Variants in SEMA6D observed in about 807,000 individuals in gnomAD.
SEMA6D encodes semaphorin 6D.
Under a neutral mutation model 106.6 loss-of-function variants are expected in SEMA6D, and 35 were observed. The ratio of observed to expected loss-of-function variants is 0.33; its 90% CI spans 0.25 to 0.44. SEMA6D has a LOEUF of 0.44. SEMA6D is among the 20% of genes least tolerant of loss of function. The probability of loss-of-function intolerance (pLI) is 1.00; values close to 1 mark genes in which losing one functional copy is unlikely to be tolerated. For synonymous variants in SEMA6D, 499 were observed against 487.7 expected, an observed-to-expected ratio of 1.02 and a Z score of -0.31; for missense variants, 1,185 against 1,345.9, an observed-to-expected ratio of 0.88 and a Z score of 1.87.
intron 4 of SEMA6D, among the ~76,000 whole-genome samples, chr15:47,668,448 A>G (rs1022371529): frequency 3.3e-5 from 5 of 152,150 alleles, no homozygotes; most frequent in Non-Finnish European, 5.9e-5. Flanking sequence ...TGCGTAATAT[A>G]TGAGCTCTAT....
At chr15:47,650,862 G>A (rs76370049) in intron 4 of SEMA6D, among the ~76,000 whole-genome samples, 5,354 of 152,012 alleles carry the variant, frequency 0.035, 124 homozygotes, top group Non-Finnish European at 0.045. Flanking sequence ...TTCCTGACAT[G>A]GTATAAGAAG....
chr15:47,315,508 T>C (rs1367596626), intron 1 of SEMA6D, among the ~76,000 whole-genome samples: 1 of 152,252 alleles, frequency 6.6e-6, no homozygotes, highest in African/African-American at 2.4e-5. Context: ...CTTTTTACAG[T>C]AAGTCTAGAA....
intron 1 of SEMA6D, among the ~76,000 whole-genome samples, chr15:47,753,662 G>A (rs1262477379): frequency 6.6e-6 from 1 of 152,188 alleles, no homozygotes; most frequent in Non-Finnish European, 1.5e-5. Context: ...TCTCCATATG[G>A]AACCATGGGC....
Position 47,764,747 on chromosome 15 carries a change from G to T in SEMA6D, c.1207G>T (p.Val403Phe). Residue 403 changes from valine (V) to phenylalanine (F), a missense_variant, in exon 12 of 19, where the codon GTT becomes TTT. Val to Phe is a conservative substitution (Grantham distance 50). Around this residue, in one of 3 missense-constraint regions of SEMA6D, gnomAD observed 291 missense variants for 423.8 expected, o/e 0.69. Coordinates refer to ENST00000536845, the MANE Select transcript of SEMA6D (RefSeq NM_001358351.3). ...ATCTCATCCCCTGATGGACTCTGCC[G>T]TTCCACCCATTGCCGATGAGCCCTG... ...IKSHPLMDSA[V>F]PPIADEPWFT... 1 of 1,614,000 alleles carries T rather than the reference G, an allele frequency of 6.2e-7. No individual in the cohort carries two copies. The highest frequency in any genetic ancestry group is 8.5e-7 in the Non-Finnish European group (1 of 1,179,902).
intron 4 of SEMA6D, among the ~76,000 whole-genome samples, chr15:47,633,138 A>C (rs897809356): frequency 2.6e-5 from 4 of 152,118 alleles, no homozygotes; most frequent in African/African-American, 9.6e-5. Context: ...TGCTTCAGCC[A>C]GCCTGTAAGT....
intron 1 of SEMA6D, among the ~76,000 whole-genome samples, chr15:47,226,832 C>G (rs1043746221): frequency 2.6e-4 from 40 of 152,078 alleles, no homozygotes; most frequent in African/African-American, 9.7e-4. Flanking sequence ...CCCCAGAACC[C>G]AATCCTTCAT....
At chr15:47,215,641 A>G (rs2030515931) in intron 1 of SEMA6D, among the ~76,000 whole-genome samples, 1 of 152,160 alleles carries the variant, frequency 6.6e-6, no homozygotes, top group Non-Finnish European at 1.5e-5. Flanking sequence ...GGAGAGATGG[A>G]GATGCATATA....
At chr15:47,536,932 T>C (rs779423087) in intron 3 of SEMA6D, among the ~76,000 whole-genome samples, 34 of 152,206 alleles carry the variant, frequency 2.2e-4, no homozygotes, top group Non-Finnish European at 4.6e-4. Context: ...AATCAGTCTT[T>C]ATTATACACT....
At chr15:47,567,772 C>T (rs2046270297) in intron 3 of SEMA6D, among the ~76,000 whole-genome samples, 1 of 152,052 alleles carries the variant, frequency 6.6e-6, no homozygotes, top group African/African-American at 2.4e-5. Context: ...TCAACAGGCT[C>T]CTAAAAGTAG....
chr15:47,409,419 G>A (rs2040707618), intron 1 of SEMA6D, among the ~76,000 whole-genome samples: 1 of 152,124 alleles, frequency 6.6e-6, no homozygotes, highest in African/African-American at 2.4e-5. Flanking sequence ...TGGATGAGTT[G>A]GAAATTCTGG....
intron 1 of SEMA6D, among the ~76,000 whole-genome samples, chr15:47,237,330 T>TC (rs2032613145): frequency 6.6e-6 from 1 of 152,160 alleles, no homozygotes; most frequent in Non-Finnish European, 1.5e-5. Flanking sequence ...GTTATTCCAC[T>TC]TAAATGATCA....
At chr15:47,361,528 T>G (rs968377190) in intron 1 of SEMA6D, among the ~76,000 whole-genome samples, 6 of 152,214 alleles carry the variant, frequency 3.9e-5, no homozygotes. Context: ...ACTGCCTCTT[T>G]CAGCTCAAAT....
intron 1 of SEMA6D, among the ~76,000 whole-genome samples, chr15:47,222,016 C>T (rs191645022): frequency 5.9e-5 from 9 of 152,190 alleles, no homozygotes; most frequent in African/African-American, 1.4e-4. Context: ...CACACACACA[C>T]GCACAGACAC....
intron 3 of SEMA6D, among the ~76,000 whole-genome samples, chr15:47,568,337 T>A (rs543656064): frequency 6.6e-6 from 1 of 152,130 alleles, no homozygotes; most frequent in Non-Finnish European, 1.5e-5. Context: ...ACCACCCGAG[T>A]GTCCATTGGC....
intron 17 of SEMA6D, chr15:47,767,343 A>C: frequency 3.0e-6 from 1 of 335,520 alleles, no homozygotes; most frequent in Non-Finnish European, 5.4e-6. Context: ...CATAGACTGC[A>C]TTCCAGCTGC....
At chr15:47,555,136 G>A (rs1461442058) in intron 3 of SEMA6D, among the ~76,000 whole-genome samples, 1 of 152,140 alleles carries the variant, frequency 6.6e-6, no homozygotes, top group Non-Finnish European at 1.5e-5. Context: ...TCCCCAGGAG[G>A]ATGTTGAACC....
intron 2 of SEMA6D, among the ~76,000 whole-genome samples, chr15:47,463,824 G>A (rs2042584191): frequency 6.6e-6 from 1 of 152,142 alleles, no homozygotes; most frequent in African/African-American, 2.4e-5. Flanking sequence ...AAAGGCTTTA[G>A]GGAGAACCCA....
At chr15:47,304,308 T>C (rs1185113763) in intron 1 of SEMA6D, among the ~76,000 whole-genome samples, 1 of 151,654 alleles carries the variant, frequency 6.6e-6, no homozygotes, top group Non-Finnish European at 1.5e-5. Context: ...TAGCCTGGCA[T>C]GGTGGCGGGT....
intron 1 of SEMA6D, among the ~76,000 whole-genome samples, chr15:47,259,286 CTTTA>C (rs1425676214): frequency 1.3e-5 from 2 of 152,128 alleles, no homozygotes; most frequent in African/African-American, 2.4e-5. Context: ...TGCAAGATAC[CTTTA>C]TTTATGATTA....
Sources: gnomAD v4.1 joint callset for allele counts (sites outside exome capture counted in the v4.1 genomes callset) on GRCh38, gnomAD v4.1.1 for gene constraint, gnomAD v4.1.1 regional missense constraint, MANE v1.5 for transcripts, NCBI Gene and HGNC (gene_info 2026-07-23, HGNC 2026-07-21) for gene names.